Variants in MDM1 observed in about 807,000 individuals in gnomAD.
The protein encoded by MDM1 is stabilizer of axonemal microtubules 6.
A neutral mutation model predicts 89.1 loss-of-function variants in MDM1; 61 were observed. The observed-to-expected ratio is 0.68, with a 90% CI of 0.56 to 0.85. The LOEUF (loss-of-function observed/expected upper bound fraction) is 0.85. Among genes scored for constraint, MDM1 ranks in the 40% least tolerant of loss-of-function variants. The pLI, the probability that MDM1 is intolerant of heterozygous loss-of-function variation, is 0.00. For synonymous variants in MDM1, 290 were observed against 294.1 expected (o/e 0.99, Z 0.14); for missense variants, 820 against 846.5 (o/e 0.97, Z 0.39).
chr12:68,295,060 T>C lies in MDM1; in HGVS notation c.*194A>G. 5.3e-6 allele frequency: 2 copies of C among 373,846 alleles called. No individual in the cohort carries two copies. Among genetic ancestry groups the C allele is most frequent in the Non-Finnish European group, 9.8e-6 (2 of 203,114 alleles). 23.2% of individuals were successfully genotyped at this position (373,846 alleles called of 1,614,324 possible). On this transcript the variant is annotated 3_prime_UTR_variant, in exon 15 of 15. Transcript: ENST00000682720. ...CTAGGTCTTTGTACTCTGGGATAGA[T>C]GTAAAAAGAATTCTTTAAAAGTTAA...
chr12:68,331,179 AAG>A lies in MDM1; in HGVS notation c.59_60del (p.Ser20LeufsTer7). On this transcript the variant is annotated frameshift_variant, in exon 2 of 15. Coordinates refer to ENST00000682720, the MANE Select transcript of MDM1 (RefSeq NM_001354969.2). LOFTEE classifies it high-confidence loss of function. ...GAGGAATTACAAGACTCGGACAAAT[AAG>A]ACTTTTTCCACAGGAAGTTCCTCTG... The part of the protein sequence containing the change: ...EYQRNFLWKK[S>X]YLSESCNSSV... 3.7e-6 allele frequency: 6 copies of A among 1,611,652 alleles called. No individual in the cohort carries two copies. Among genetic ancestry groups the A allele is most frequent in the Non-Finnish European group, 5.1e-6 (6 of 1,177,688 alleles).
chr12:68,316,417 T>C, intron 8 of MDM1, 164 bp from the exon 9 acceptor site: 1 of 963,596 alleles, frequency 1.0e-6, no homozygotes, highest in South Asian at 1.7e-5. Flanking sequence ...AAGCAAAAAC[T>C]AAAACAATCA....
intron 2 of MDM1, chr12:68,330,853 C>A: frequency 2.2e-6 from 1 of 454,752 alleles, no homozygotes; most frequent in Non-Finnish European, 3.9e-6. Context: ...TCAGTCAGTA[C>A]CGAAACAGTT....
intron 5 of MDM1, 35 bp from the exon 6 acceptor site, chr12:68,321,663 A>AAT: frequency 7.2e-7 from 1 of 1,381,104 alleles, no homozygotes; most frequent in Middle Eastern, 2.5e-4. Flanking sequence ...TTTATGCTTA[A>AAT]GATGTTACAC....
chr12:68,321,121 T>C (rs1398957238), intron 7 of MDM1: 1 of 388,934 alleles, frequency 2.6e-6, no homozygotes, highest in Non-Finnish European at 4.6e-6. Context: ...GTAAAAAGCA[T>C]TAAACTTAAA....
Position 68,302,798 on chromosome 12 carries a change from C to T in MDM1, c.1824G>A (p.Arg608=). ...TGTGGATATTGTCTTCAGAATCTTC[C>T]CGCAAAGGCAGAGGATCAACTGTTT... is the stretch of plus-strand genomic sequence containing the variant. ...GIKTVDPLPL[R]EDSEDNIHKF... is the part of the protein sequence containing the mutation. The change falls in exon 13 of 15, where the codon CGG becomes CGA. Residue 608 remains arginine, a synonymous_variant. Transcript: ENST00000682720. 4 of 1,613,178 alleles carry T rather than the reference C, an allele frequency of 2.5e-6. No homozygotes were observed. The highest frequency in any genetic ancestry group is 3.4e-6 in the Non-Finnish European group (4 of 1,179,866).
In MDM1 at chr12:68,295,147, C is replaced by A; in HGVS notation, c.*107G>T. ...CTGTTCTATTGGAAATTAAATATTT[C>A]AAAGTAGAAAACGTTAGGAAAAACT... is the stretch of plus-strand genomic sequence containing the variant. On this transcript the variant is annotated 3_prime_UTR_variant, in exon 15 of 15. Coordinates refer to ENST00000682720, the MANE Select transcript of MDM1 (RefSeq NM_001354969.2). The A allele has an allele frequency of 3.1e-6, 2 of 653,810 alleles. No homozygotes were observed. Among genetic ancestry groups the A allele is most frequent in the South Asian group, 2.0e-5 (1 of 50,318 alleles). 40.5% of individuals were successfully genotyped at this position (653,810 alleles called of 1,614,324 possible).
At chr12:68,295,480 T>C (rs1871253140) in intron 14 of MDM1, 114 bp from the exon 15 acceptor site, 2 of 652,674 alleles carry the variant, frequency 3.1e-6, no homozygotes, top group Non-Finnish European at 5.2e-6. Context: ...CAATGTCAAG[T>C]TAGTCAGGAA....
In MDM1 at chr12:68,316,070, T is replaced by C; in HGVS notation, c.1211+8A>G. The C allele has an allele frequency of 6.3e-7, 1 of 1,588,990 alleles. No individual in the cohort carries two copies. Among genetic ancestry groups the C allele is most frequent in the African/African-American group, 1.4e-5 (1 of 73,782 alleles). On this transcript the variant is annotated splice_region_variant and intron_variant, in intron 9 of 14. Transcript: ENST00000682720. Reference sequence around the variant, plus strand: ...AACTTTTTTTGCCATCCACAAAGAATATCTCACCCAGCAAGATCTAATGCT... The same window carrying C: ...AACTTTTTTTGCCATCCACAAAGAACATCTCACCCAGCAAGATCTAATGCT...
chr12:68,316,591 C>T lies in MDM1; in HGVS notation c.1025G>A (p.Trp342Ter), dbSNP rs1029414540. The change falls in exon 8 of 15, where the codon TGG becomes TAG. Residue 342 changes from tryptophan (W) to a stop codon, truncating the protein, a stop_gained. Coordinates refer to ENST00000682720, the MANE Select transcript of MDM1 (RefSeq NM_001354969.2). LOFTEE classifies it high-confidence loss of function. ...TCAAAAGCAACCAACCTCAGCATACCACATGGCATTTAGAGAACCCTAGAG... is the reference window on the plus strand; with the variant it reads ...TCAAAAGCAACCAACCTCAGCATACTACATGGCATTTAGAGAACCCTAGAG... Reference protein sequence around the residue: ...MPNQGSLNAMWYAEVKELREK... With the variant: ...MPNQGSLNAM 3.6e-5 allele frequency: 55 copies of T among 1,534,826 alleles called. No individual in the cohort carries two copies. In the Middle Eastern group the frequency reaches 5.0e-4, roughly 14 times the overall value.
chr12:68,326,155 A>G, intron 3 of MDM1: 1 of 1,033,422 alleles, frequency 9.7e-7, no homozygotes, highest in South Asian at 3.8e-5. Context: ...ATGTGCTCAC[A>G]GGGACCTGCT....
At chr12:68,316,724 A>G (rs1384069088) in intron 7 of MDM1, 114 bp from the exon 8 acceptor site, 1 of 859,124 alleles carries the variant, frequency 1.2e-6, no homozygotes, top group African/African-American at 1.7e-5. Flanking sequence ...AAACTTGTCA[A>G]TCAATATTTC....
intron 7 of MDM1, among the ~76,000 whole-genome samples, chr12:68,318,543 C>T (rs775381151): frequency 4.6e-5 from 7 of 151,950 alleles, no homozygotes; most frequent in Non-Finnish European, 1.0e-4. Flanking sequence ...TTATATTTTA[C>T]AAATATGATT....
At chr12:68,298,634 C>A (rs527677916) in intron 13 of MDM1, among the ~76,000 whole-genome samples, 1 of 152,114 alleles carries the variant, frequency 6.6e-6, no homozygotes, top group Non-Finnish European at 1.5e-5. Flanking sequence ...AGTCACAATT[C>A]CTATCTACTT....
chr12:68,327,112 T>C, intron 2 of MDM1, 91 bp from the exon 3 acceptor site: 10 of 1,463,802 alleles, frequency 6.8e-6, no homozygotes, highest in Non-Finnish European at 9.0e-6. Context: ...GAAATGAAAT[T>C]TTAAATTTAG....
chr12:68,308,137 T>G (rs2120880597), intron 12 of MDM1, among the ~76,000 whole-genome samples: 1 of 150,138 alleles, frequency 6.7e-6, no homozygotes, highest in Middle Eastern at 3.4e-3. Context: ...CTTTTTTTTT[T>G]TTTTTTGAGA....
chr12:68,305,062 G>T (rs1174109382), intron 12 of MDM1, among the ~76,000 whole-genome samples: 2 of 151,922 alleles, frequency 1.3e-5, no homozygotes, highest in African/African-American at 4.8e-5. Context: ...GCCAGATTTT[G>T]GTATCAGGAT....
chr12:68,302,675 C>G lies in MDM1; in HGVS notation c.1947G>C (p.Trp649Cys). 6.2e-7 allele frequency: 1 copy of G among 1,613,626 alleles called. No homozygotes were observed. The highest frequency in any genetic ancestry group is 8.5e-7 in the Non-Finnish European group (1 of 1,179,724). The change falls in exon 13 of 15, where the codon TGG becomes TGC. Residue 649 changes from tryptophan (W) to cysteine (C), a missense_variant. Trp to Cys is a radical substitution (Grantham distance 215). Coordinates refer to ENST00000682720, the MANE Select transcript of MDM1 (RefSeq NM_001354969.2). ...LPSPPHVPSYWHPSRRIQGSL... is the reference protein window; with the variant it reads ...LPSPPHVPSYCHPSRRIQGSL... ...AGCCCTGAATTCGTCGAGAGGGATG[C>G]CAGTAGGATGGAACATGTGGTGGAG...
In MDM1 at chr12:68,332,331, G is replaced by A; in HGVS notation, c.-86C>T. On this transcript the variant is annotated 5_prime_UTR_variant, in exon 1 of 15. Transcript: ENST00000682720. The stretch of plus-strand genomic sequence containing the variant: ...GGCGGGGCGATAACAGTGTTCCCTA[G>A]CAAAGCCTCGGCCCGGCGTCCCCGA... 2 of 1,442,242 alleles carry A rather than the reference G, an allele frequency of 1.4e-6. No individual in the cohort carries two copies. The highest frequency in any genetic ancestry group is 1.8e-6 in the Non-Finnish European group (2 of 1,081,346). The allele number at this position is 1,442,242 out of a possible 1,614,324, so 89.3% of individuals were successfully genotyped here. A position where few individuals can be genotyped will look rare whatever the true frequency, so the allele number is the denominator to read the frequency against.
Sources: gnomAD v4.1 joint callset for allele counts (sites outside exome capture counted in the v4.1 genomes callset) on GRCh38, gnomAD v4.1.1 for gene constraint, MANE v1.5 for transcripts, NCBI Gene and HGNC (gene_info 2026-07-23, HGNC 2026-07-21) for gene names.